The following USP15 variants were observed in gnomAD, a reference collection of about 807,000 sequenced individuals.
The protein encoded by USP15 is ubiquitin carboxyl-terminal hydrolase 15.
USP15 carries 18 observed loss-of-function variants against 127.1 expected under a neutral mutation model. The observed-to-expected ratio is 0.14, with a 90% CI of 0.10 to 0.21. The LOEUF (loss-of-function observed/expected upper bound fraction) is 0.21, where lower values mean the gene tolerates loss of function less well. Among genes scored for constraint, USP15 ranks in the 10% least tolerant of loss-of-function variants. The pLI is 1.00. For missense variants in USP15, 805 were observed against 1,159.9 expected (o/e 0.69, Z 4.44); for synonymous variants, 364 against 393.7 (o/e 0.92, Z 0.89).
chr12:62,289,246 G>A (rs1212666321), intron 1 of USP15, among the ~76,000 whole-genome samples: 1 of 116,186 alleles, frequency 8.6e-6, no homozygotes, highest in Non-Finnish European at 1.9e-5. Flanking sequence ...GTTGTTGTTG[G>A]GAGATTTTCA....
intron 4 of USP15, among the ~76,000 whole-genome samples, chr12:62,318,416 A>G (rs1250015812): frequency 6.6e-6 from 1 of 152,212 alleles, no homozygotes; most frequent in Non-Finnish European, 1.5e-5. Flanking sequence ...AGTACAACAC[A>G]GATAAACTAC....
At chr12:62,314,412 T>C (rs917543910) in intron 3 of USP15, among the ~76,000 whole-genome samples, 1 of 151,948 alleles carries the variant, frequency 6.6e-6, no homozygotes, top group African/African-American at 2.4e-5. Flanking sequence ...TGTATTATAA[T>C]GTATAAACAG....
intron 1 of USP15, among the ~76,000 whole-genome samples, chr12:62,292,907 G>A (rs1244924891): frequency 6.6e-6 from 1 of 152,148 alleles, no homozygotes; most frequent in African/African-American, 2.4e-5. Context: ...TGCTGAGTGG[G>A]TGCTGGGGAA....
intron 9 of USP15, among the ~76,000 whole-genome samples, chr12:62,383,014 T>C (rs931557119): frequency 6.6e-6 from 1 of 151,948 alleles, no homozygotes; most frequent in African/African-American, 2.4e-5. Flanking sequence ...CAAACAAAGA[T>C]CAATACATTT....
At chr12:62,388,980 C>T (rs1187573543) in intron 11 of USP15, among the ~76,000 whole-genome samples, 1 of 152,038 alleles carries the variant, frequency 6.6e-6, no homozygotes, top group East Asian at 1.9e-4. Flanking sequence ...TAAAAATTAG[C>T]CAGTCATGGT....
intron 7 of USP15, among the ~76,000 whole-genome samples, chr12:62,354,715 A>C (rs1378880562): frequency 2.6e-5 from 4 of 151,984 alleles, no homozygotes; most frequent in African/African-American, 9.7e-5. Context: ...AAGAAAGAAA[A>C]GGCAAATAAC....
At position 62,404,621 on chromosome 12, in the gene USP15, CAAAT is replaced by C. The variant is rs1253957921; in HGVS notation, c.*251_*254del. ...CAAGCTAAATATATATAGGAAATCACAAATAAATCCCTTTTAAGTTTGCTGCTGT... is the reference window on the plus strand; with the variant it reads ...CAAGCTAAATATATATAGGAAATCACAAATCCCTTTTAAGTTTGCTGCTGT... On this transcript the variant is annotated 3_prime_UTR_variant, in exon 22 of 22. Coordinates refer to ENST00000280377, the MANE Select transcript of USP15 (RefSeq NM_001252078.2). 3.6e-5 allele frequency: 10 copies of C among 280,834 alleles called. No homozygotes were observed. The highest frequency in any genetic ancestry group is 7.9e-5 in the East Asian group (1 of 12,724). 17.4% of individuals were successfully genotyped at this position (280,834 alleles called of 1,614,324 possible).
intron 6 of USP15, chr12:62,335,379 G>A: frequency 7.0e-7 from 1 of 1,419,614 alleles, no homozygotes; most frequent in Non-Finnish European, 9.2e-7. Context: ...TCACTCAACA[G>A]TAATGTCTGC....
chr12:62,320,814 TTCA>T (rs1452242234), intron 4 of USP15, among the ~76,000 whole-genome samples: 7 of 152,138 alleles, frequency 4.6e-5, no homozygotes, highest in Non-Finnish European at 7.4e-5. Flanking sequence ...GTATTCTGTA[TTCA>T]TATATCATAA....
chr12:62,356,990 C>A (rs1388568371), intron 8 of USP15, among the ~76,000 whole-genome samples: 1 of 151,940 alleles, frequency 6.6e-6, no homozygotes, highest in African/African-American at 2.4e-5. Context: ...TTTTTATGTA[C>A]CTCTTTATCC....
At chr12:62,386,541 A>G (rs1259344486) in intron 11 of USP15, among the ~76,000 whole-genome samples, 1 of 152,072 alleles carries the variant, frequency 6.6e-6, no homozygotes, top group African/African-American at 2.4e-5. Flanking sequence ...TCTGAAGGAC[A>G]ATTAGGTTAT....
At chr12:62,374,268 A>G in intron 8 of USP15, 1 of 429,118 alleles carries the variant, frequency 2.3e-6, no homozygotes, top group Non-Finnish European at 3.1e-6. Context: ...GTCAGTTAGA[A>G]GGTATAGCCA....
chr12:62,394,640 G>T (rs1332787224), intron 19 of USP15, among the ~76,000 whole-genome samples: 1 of 152,188 alleles, frequency 6.6e-6, no homozygotes, highest in Non-Finnish European at 1.5e-5. Flanking sequence ...ACAAGGTCAG[G>T]AGAGCAAGAC....
At chr12:62,385,597 C>G (rs1424362880) in intron 11 of USP15, among the ~76,000 whole-genome samples, 5 of 151,990 alleles carry the variant, frequency 3.3e-5, no homozygotes, top group Non-Finnish European at 5.9e-5. Context: ...CTGGAGAGTG[C>G]TAAGTACTAT....
chr12:62,404,381 G>A lies in USP15; in HGVS notation c.*6G>A. 6.3e-7 allele frequency: 1 copy of A among 1,579,180 alleles called. No individual in the cohort carries two copies. The highest frequency in any genetic ancestry group is 8.6e-7 in the Non-Finnish European group (1 of 1,161,526). On this transcript the variant is annotated 3_prime_UTR_variant, in exon 22 of 22. Coordinates refer to ENST00000280377, the MANE Select transcript of USP15 (RefSeq NM_001252078.2). ...ACTGTATGCACACTAACTAATGAAA[G>A]TCCTAGAAGCCATAAAAGAGACACT...
chr12:62,391,685 G>C (rs1489847487), intron 16 of USP15, 131 bp from the exon 17 acceptor site: 1 of 940,992 alleles, frequency 1.1e-6, no homozygotes, highest in East Asian at 2.8e-5. Flanking sequence ...GGAAACTGCT[G>C]TTTGCCCTAA....
chr12:62,404,098 C>T, intron 21 of USP15, 95 bp from the exon 22 acceptor site: 4 of 1,337,528 alleles, frequency 3.0e-6, no homozygotes, highest in South Asian at 5.0e-5. Context: ...TGATTTATGC[C>T]CTCTTACCAA....
intron 3 of USP15, among the ~76,000 whole-genome samples, chr12:62,310,064 A>C (rs2064615080): frequency 1.3e-5 from 2 of 151,972 alleles, no homozygotes; most frequent in African/African-American, 2.4e-5. Flanking sequence ...AAATTCCAAA[A>C]ATATGTACTG....
chr12:62,380,408 A>G lies in USP15; in HGVS notation c.916-1082A>G, dbSNP rs1004557438. On this transcript the variant is annotated intron_variant, in intron 8 of 21. Coordinates refer to ENST00000280377, the MANE Select transcript of USP15 (RefSeq NM_001252078.2). ...ATAGTATATAGTCGTAGTTTATGGC[A>G]TGTAAGTTATCTGTGTGAATTCAAC... Among the ~76,000 whole-genome samples, 4 of 152,054 alleles carry G rather than the reference A, an allele frequency of 2.6e-5. 1 individual carries two copies. In the South Asian group the frequency reaches 6.2e-4, roughly 24 times the overall value.
Sources: allele counts gnomAD v4.1 joint callset (sites outside exome capture counted in the v4.1 genomes callset), GRCh38; gene constraint gnomAD v4.1.1; transcripts MANE v1.5; gene names NCBI Gene and HGNC (gene_info 2026-07-23, HGNC 2026-07-21).